The following HRH2 variants were observed in gnomAD, a reference collection of about 807,000 sequenced individuals.
The protein encoded by HRH2 is histamine H2 receptor.
A neutral mutation model predicts 20.1 loss-of-function variants in HRH2; 4 were observed. The observed-to-expected ratio is 0.20, with a 90% CI of 0.10 to 0.45. The LOEUF (loss-of-function observed/expected upper bound fraction) is 0.45. Among genes scored for constraint, HRH2 ranks in the 20% least tolerant of loss-of-function variants. The pLI is 0.99. For synonymous variants in HRH2, 197 were observed against 200.7 expected (o/e 0.98, Z 0.16); for missense variants, 250 against 461.6 (o/e 0.54, Z 4.20).
At chr5:175,685,590 A>T (rs1177329302) in intron 2 of HRH2, 2 of 924,564 alleles carry the variant, frequency 2.2e-6, no homozygotes, top group Non-Finnish European at 3.5e-6. Context: ...CAGAAAATCA[A>T]TGGCACAGCC....
chr5:175,675,702 C>G (rs1755733096), intron 1 of HRH2, among the ~76,000 whole-genome samples: 1 of 152,210 alleles, frequency 6.6e-6, no homozygotes, highest in Non-Finnish European at 1.5e-5. Flanking sequence ...CTGTCTCACT[C>G]CTAAGCATGA....
intron 1 of HRH2, among the ~76,000 whole-genome samples, chr5:175,662,781 T>G (rs1033253988): frequency 1.3e-5 from 2 of 152,196 alleles, no homozygotes; most frequent in Non-Finnish European, 2.9e-5. Flanking sequence ...CAGACCATTT[T>G]CACTATCCCC....
chr5:175,679,307 T>C (rs192264415), intron 1 of HRH2, among the ~76,000 whole-genome samples: 1 of 152,084 alleles, frequency 6.6e-6, no homozygotes, highest in Admixed American at 6.5e-5. Flanking sequence ...AAACACCCCC[T>C]TTCTGTCCAC....
intron 1 of HRH2, among the ~76,000 whole-genome samples, chr5:175,682,313 C>A (rs561702672): frequency 6.6e-6 from 1 of 152,168 alleles, no homozygotes. Context: ...TTTGTTTATT[C>A]GTTCATTCAT....
At chr5:175,661,818 G>A (rs1173147673) in intron 1 of HRH2, among the ~76,000 whole-genome samples, 1 of 152,156 alleles carries the variant, frequency 6.6e-6, no homozygotes, top group African/African-American at 2.4e-5. Flanking sequence ...TGAGGAGTTC[G>A]AGACCAGCCT....
At chr5:175,673,500 C>T (rs1012453505) in intron 1 of HRH2, among the ~76,000 whole-genome samples, 3 of 152,140 alleles carry the variant, frequency 2.0e-5, no homozygotes, top group Admixed American at 1.3e-4. Flanking sequence ...GAAAGCAGGT[C>T]GGCGGCTGCC....
rs59863273 is a variant in HRH2 at position 175,683,112 on chromosome 5, A to AT, written c.-122_-121insT. ...TGGCCAAAAAAAAAAAAAAAAAAAA[A>AT]CTGGACACATTTTGGATCTGTTGGG... On this transcript the variant is annotated 5_prime_UTR_variant, in exon 2 of 3. Coordinates refer to ENST00000636584, the MANE Select transcript of HRH2 (RefSeq NM_001367711.1). 8.3e-7 allele frequency: 1 copy of AT among 1,206,136 alleles called. No homozygotes were observed. Among genetic ancestry groups the AT allele is most frequent in the East Asian group, 2.4e-5 (1 of 41,704 alleles). The allele number at this position is 1,206,136 out of a possible 1,614,324, so 74.7% of individuals were successfully genotyped here. A position where few individuals can be genotyped will look rare whatever the true frequency, so the allele number is the denominator to read the frequency against.
chr5:175,680,070 G>A (rs1755909629), intron 1 of HRH2, among the ~76,000 whole-genome samples: 1 of 152,164 alleles, frequency 6.6e-6, no homozygotes, highest in Non-Finnish European at 1.5e-5. Context: ...CTTTGCCCAG[G>A]AGGATCCAGC....
chr5:175,687,164 G>A lies in HRH2; in HGVS notation c.1076+2855G>A, dbSNP rs898065226. ...GAGAAGGGTGGGGGAGCCAGTCAGA[G>A]GGCCCCACACTGTGGTTGAGGGCAT... On this transcript the variant is annotated intron_variant, in intron 2 of 2. Transcript: ENST00000636584. This position sits in a 1 kb window ranked among gnomAD's most constrained non-coding sequence, Gnocchi z 5.2. 3.9e-5 allele frequency among the ~76,000 whole-genome samples: 6 copies of A among 152,210 alleles called. No individual in the cohort carries two copies. Among genetic ancestry groups the A allele is most frequent in the Non-Finnish European group, 7.3e-5 (5 of 68,032 alleles).
chr5:175,675,605 CTT>C (rs779996789), intron 1 of HRH2, among the ~76,000 whole-genome samples: 2 of 152,136 alleles, frequency 1.3e-5, no homozygotes, highest in Admixed American at 6.5e-5. Flanking sequence ...AGGTAGAGGA[CTT>C]TTTATAAAGG....
chr5:175,671,761 C>T (rs1014117365), intron 1 of HRH2, among the ~76,000 whole-genome samples: 3 of 152,172 alleles, frequency 2.0e-5, no homozygotes, highest in African/African-American at 7.2e-5. Context: ...TAGCCATATA[C>T]AAATTATATT....
intron 2 of HRH2, among the ~76,000 whole-genome samples, chr5:175,697,462 CAA>C (rs60466733): frequency 0.09 from 7,404 of 82,494 alleles, 613 homozygotes; most frequent in African/African-American, 0.23. Flanking sequence ...GACTCCGTCT[CAA>C]AAAAAAAAAA....
At chr5:175,701,414 C>A (rs10037322) in intron 2 of HRH2, among the ~76,000 whole-genome samples, 15,492 of 152,162 alleles carry the variant, frequency 0.1, 2,485 homozygotes, top group African/African-American at 0.34. Context: ...CAAGCATGGT[C>A]GGACCCAAGG....
At chr5:175,661,545 C>T (rs1400227104) in intron 1 of HRH2, among the ~76,000 whole-genome samples, 3 of 152,280 alleles carry the variant, frequency 2.0e-5, no homozygotes, top group Non-Finnish European at 2.9e-5. Context: ...TCTAAATCCA[C>T]GGCCTACACT....
intron 1 of HRH2, among the ~76,000 whole-genome samples, chr5:175,663,081 G>T (rs1437105924): frequency 6.6e-6 from 1 of 152,136 alleles, no homozygotes; most frequent in Non-Finnish European, 1.5e-5. Context: ...TGGGCATTTG[G>T]GTTGTTTCTG....
At chr5:175,699,061 C>G (rs1195315539) in intron 2 of HRH2, among the ~76,000 whole-genome samples, 2 of 152,088 alleles carry the variant, frequency 1.3e-5, no homozygotes, top group Non-Finnish European at 2.9e-5. Flanking sequence ...CAGGAGAAGG[C>G]CGTGAGAAAA....
intron 1 of HRH2, 59 bp downstream of exon 1, chr5:175,658,214 T>C (rs901612529): frequency 6.6e-6 from 1 of 151,700 alleles, no homozygotes; most frequent in Non-Finnish European, 1.5e-5. Context: ...CCAGGCGGGC[T>C]TGGGGACCCG....
chr5:175,701,056 G>T (rs1442672371), intron 2 of HRH2, among the ~76,000 whole-genome samples: 1 of 152,196 alleles, frequency 6.6e-6, no homozygotes, highest in South Asian at 2.1e-4. Flanking sequence ...AGGATAAGCA[G>T]TGGAGGGAAA....
intron 2 of HRH2, among the ~76,000 whole-genome samples, chr5:175,696,830 C>T (rs1352632709): frequency 6.6e-6 from 1 of 152,206 alleles, no homozygotes; most frequent in Non-Finnish European, 1.5e-5. Context: ...TCAGCACCGC[C>T]CCATGGGGTT....
Sources: allele counts gnomAD v4.1 joint callset (sites outside exome capture counted in the v4.1 genomes callset), GRCh38; gene constraint gnomAD v4.1.1; non-coding constraint Gnocchi (gnomAD v3.1); transcripts MANE v1.5; gene names NCBI Gene and HGNC (gene_info 2026-07-23, HGNC 2026-07-21).